The following NRXN1 variants were observed in gnomAD, a reference collection of about 807,000 sequenced individuals.
NRXN1 encodes the protein neurexin-1.
In NRXN1, 39 loss-of-function variants were observed where a neutral mutation model predicts 150.9. That is an observed-to-expected ratio of 0.26 (90% CI 0.20 to 0.34). NRXN1 has a LOEUF of 0.34. NRXN1 is among the 10% of genes least tolerant of loss of function. The pLI is 1.00. For missense variants in NRXN1, 1,815 were observed against 1,949.9 expected, an observed-to-expected ratio of 0.93 and a Z score of 1.30; for synonymous variants, 924 against 757.0, an observed-to-expected ratio of 1.22 and a Z score of -3.62.
Position 50,488,017 on chromosome 2 carries a change from A to G in NRXN1, c.3070+7888T>C, listed in dbSNP as rs961261154. ...ACAAATGCTGCTCACTCAAGCACTTATGAGTTTCATCATCTAAACATTTGG... is the reference window on the plus strand; with the variant it reads ...ACAAATGCTGCTCACTCAAGCACTTGTGAGTTTCATCATCTAAACATTTGG... On this transcript the variant is annotated intron_variant, in intron 15 of 22. Transcript: ENST00000401669. 1.1e-4 allele frequency among the ~76,000 whole-genome samples: 16 copies of G among 152,172 alleles called. 1 individual carries two copies. The highest frequency in any genetic ancestry group is 2.9e-5 in the Non-Finnish European group (2 of 68,036).
At chr2:50,756,770 T>C (rs1701197557) in intron 5 of NRXN1, among the ~76,000 whole-genome samples, 2 of 151,844 alleles carry the variant, frequency 1.3e-5, no homozygotes, top group Admixed American at 1.3e-4. Context: ...GTTTACAATA[T>C]GCACATAAAA....
At chr2:50,060,064 G>C (rs916544292) in intron 19 of NRXN1, among the ~76,000 whole-genome samples, 53 of 152,162 alleles carry the variant, frequency 3.5e-4, no homozygotes, top group South Asian at 2.1e-4. Flanking sequence ...CAGAATGGTA[G>C]ATCCACTGAC....
chr2:50,034,202 T>C (rs950871247), intron 21 of NRXN1, among the ~76,000 whole-genome samples: 3 of 152,100 alleles, frequency 2.0e-5, no homozygotes, highest in Non-Finnish European at 2.9e-5. Context: ...CATATGTTCA[T>C]TGCAGCACCA....
chr2:50,393,476 T>A (rs1230504010), intron 17 of NRXN1, among the ~76,000 whole-genome samples: 1 of 152,052 alleles, frequency 6.6e-6, no homozygotes, highest in Non-Finnish European at 1.5e-5. Flanking sequence ...AACAGGAAAC[T>A]GTTAATTTAA....
chr2:49,950,103 C>G (rs1402163089), intron 21 of NRXN1, among the ~76,000 whole-genome samples: 1 of 151,886 alleles, frequency 6.6e-6, no homozygotes, highest in Non-Finnish European at 1.5e-5. Flanking sequence ...TAAGGGAAGT[C>G]ATAATTCTCA....
At chr2:50,162,920 C>T (rs893983006) in intron 18 of NRXN1, among the ~76,000 whole-genome samples, 21 of 151,784 alleles carry the variant, frequency 1.4e-4, no homozygotes, top group African/African-American at 5.1e-4. Context: ...ATGTCAACTA[C>T]TAATTACACA....
chr2:50,501,854 A>G (rs913514804), intron 13 of NRXN1, among the ~76,000 whole-genome samples: 8 of 152,180 alleles, frequency 5.3e-5, no homozygotes, highest in African/African-American at 1.9e-4. Context: ...TTGAGTATGT[A>G]CTGCCCTGTG....
chr2:50,470,086 A>G (rs562686158), intron 16 of NRXN1, among the ~76,000 whole-genome samples: 1 of 151,680 alleles, frequency 6.6e-6, no homozygotes, highest in East Asian at 1.9e-4. Context: ...TGCTCTCACC[A>G]TTTCTTGTAG....
At chr2:50,761,255 C>T (rs1349609895) in intron 5 of NRXN1, among the ~76,000 whole-genome samples, 1 of 151,864 alleles carries the variant, frequency 6.6e-6, no homozygotes, top group African/African-American at 2.4e-5. Context: ...TATGATTTGG[C>T]TGTGTTCCCA....
rs1684444915 is a variant in NRXN1, at chr2:50,911,073, G to A, written c.832+10796C>T. ...TCAAATACTATCATCATGATTTATT[G>A]CAACAGATGGGACCACTGAGAGATT... On this transcript the variant is annotated intron_variant, in intron 5 of 22. Coordinates refer to ENST00000401669, the MANE Select transcript of NRXN1 (RefSeq NM_001330078.2). Among the ~76,000 whole-genome samples, 2 of 151,974 alleles carry A rather than the reference G, an allele frequency of 1.3e-5. 1 individual carries two copies. The highest frequency in any genetic ancestry group is 1.3e-4 in the Admixed American group (2 of 15,234).
At position 49,986,615 on chromosome 2, in the gene NRXN1, T is replaced by C. The variant is rs75869283; in HGVS notation, c.4129-42824A>G. Among the ~76,000 whole-genome samples the C allele has an allele frequency of 4.1e-3, 625 of 152,320 alleles. 4 individuals carry two copies. Among genetic ancestry groups the C allele is most frequent in the African/African-American group, 0.014 (599 of 41,580 alleles). On this transcript the variant is annotated intron_variant, in intron 21 of 22. Transcript: ENST00000401669. ...AGTTTTTTCTTTTTTTGTTGACATA[T>C]AATAACTACATATTTATGAGATACA...
intron 5 of NRXN1, among the ~76,000 whole-genome samples, chr2:50,811,843 G>C (rs764359417): frequency 1.3e-5 from 2 of 152,056 alleles, no homozygotes; most frequent in Non-Finnish European, 2.9e-5. Flanking sequence ...GGAGTAAATA[G>C]GTCACAATTC....
intron 5 of NRXN1, chr2:50,632,380 A>C (rs1682496634): frequency 6.6e-6 from 1 of 152,038 alleles, no homozygotes; most frequent in Non-Finnish European, 1.5e-5. Flanking sequence ...GAGCAGAGGA[A>C]AGGAGAATTT....
intron 18 of NRXN1, among the ~76,000 whole-genome samples, chr2:50,154,222 G>A (rs2152776433): frequency 6.6e-6 from 1 of 151,512 alleles, no homozygotes; most frequent in East Asian, 1.9e-4. Flanking sequence ...TTCAGATAAA[G>A]ATCTGAATAA....
intron 17 of NRXN1, among the ~76,000 whole-genome samples, chr2:50,279,690 T>C (rs930895106): frequency 6.6e-6 from 1 of 151,544 alleles, no homozygotes; most frequent in Non-Finnish European, 1.5e-5. Flanking sequence ...CTTTAAATAG[T>C]GCTTGTTTAT....
At position 50,805,949 on chromosome 2, in the gene NRXN1, T is replaced by C. The variant is rs376056900; in HGVS notation, c.832+115920A>G. 5.9e-5 allele frequency among the ~76,000 whole-genome samples: 9 copies of C among 152,124 alleles called. 1 individual carries two copies. In the East Asian group the frequency reaches 1.4e-3, roughly 23 times the overall value. ...ACTACAGAACATACCTACCTATATT[T>C]TGGCTGTTTCTCAAGCTGACTTATT... On this transcript the variant is annotated intron_variant, in intron 5 of 22. Coordinates refer to ENST00000401669, the MANE Select transcript of NRXN1 (RefSeq NM_001330078.2).
chr2:50,470,253 A>G (rs534528822), intron 16 of NRXN1, among the ~76,000 whole-genome samples: 2 of 151,916 alleles, frequency 1.3e-5, no homozygotes, highest in East Asian at 3.9e-4. Context: ...GTTGTATCAC[A>G]TTCTTGTGTT....
chr2:51,021,559 T>G (rs1669616737), intron 2 of NRXN1, among the ~76,000 whole-genome samples: 1 of 151,900 alleles, frequency 6.6e-6, no homozygotes, highest in African/African-American at 2.4e-5. Flanking sequence ...TACATATATA[T>G]ATATATACAC....
intron 2 of NRXN1, among the ~76,000 whole-genome samples, chr2:50,926,855 T>C (rs1489374521): frequency 2.6e-5 from 4 of 151,878 alleles, no homozygotes; most frequent in Non-Finnish European, 4.4e-5. Flanking sequence ...AACATATATA[T>C]CCAAGCAGAT....
Sources: allele counts gnomAD v4.1 joint callset (sites outside exome capture counted in the v4.1 genomes callset), GRCh38; gene constraint gnomAD v4.1.1; transcripts MANE v1.5; gene names NCBI Gene and HGNC (gene_info 2026-07-23, HGNC 2026-07-21).